KANK3: variants seen among roughly 807,000 people sequenced by gnomAD.
KANK3 encodes KN motif and ankyrin repeat domain-containing protein 3.
In KANK3, 61 loss-of-function variants were observed where a neutral mutation model predicts 65.4. The observed-to-expected ratio is 0.93, with a 90% CI of 0.76 to 1.15. The LOEUF (loss-of-function observed/expected upper bound fraction) is 1.15. Ranked by LOEUF, KANK3 falls within the 50% of genes most tolerant of loss-of-function variation. KANK3 has a pLI of 0.00. For missense variants in KANK3, 1,187 were observed against 1,178.8 expected (o/e 1.01, Z -0.10); for synonymous variants, 586 against 543.3 (o/e 1.08, Z -1.09).
intron 2 of KANK3, among the ~76,000 whole-genome samples, chr19:8,336,464 G>A (rs1485836697): frequency 6.6e-6 from 1 of 151,526 alleles, no homozygotes; most frequent in Admixed American, 6.6e-5. Context: ...CTGGCCGGGC[G>A]CAGTGGCTCA....
At chr19:8,339,245 TGGTTCAAAAAG>T (rs547059079) in intron 1 of KANK3, among the ~76,000 whole-genome samples, 1,609 of 152,220 alleles carry the variant, frequency 0.011, 32 homozygotes, top group African/African-American at 0.038. Flanking sequence ...TCCAGAACTT[TGGTTCAAAAAG>T]CACAGGGTGA....
At position 8,335,040 on chromosome 19, in the gene KANK3, C is replaced by A; in HGVS notation, c.787G>T (p.Ala263Ser). ...RLATSERGGR[A>S]RASPRADSPD... Reference sequence around the variant, plus strand: ...CTGTCAGCCCGGGGGCTGGCCCTGGCACGGCCGCCGCGCTCGGAGGTGGCC... The same window carrying A: ...CTGTCAGCCCGGGGGCTGGCCCTGGAACGGCCGCCGCGCTCGGAGGTGGCC... The change falls in exon 3 of 11, where the codon GCC becomes TCC. Residue 263 changes from alanine to serine, a missense_variant. Coordinates refer to ENST00000330915, the MANE Select transcript of KANK3 (RefSeq NM_198471.3). 7.3e-7 allele frequency: 1 copy of A among 1,378,356 alleles called. No homozygotes were observed. The highest frequency in any genetic ancestry group is 9.3e-7 in the Non-Finnish European group (1 of 1,074,292). The allele number at this position is 1,378,356 out of a possible 1,614,324, so 85.4% of individuals were successfully genotyped here.
Position 8,334,931 on chromosome 19 carries a change from T to C in KANK3, c.896A>G (p.Gln299Arg), listed in dbSNP as rs1312568751. The C allele has an allele frequency of 6.8e-7, 1 of 1,481,230 alleles. No homozygotes were observed. The highest frequency in any genetic ancestry group is 8.9e-7 in the Non-Finnish European group (1 of 1,125,728). 91.8% of individuals were successfully genotyped at this position (1,481,230 alleles called of 1,614,324 possible). ...GEVGSLDGTP[Q>R]TREVAAEAVP... is the part of the protein sequence containing the mutation. ...GGCCTCGGCGGCCACCTCCCGGGTCTGGGGCGTCCCATCGAGACTCCCGAC... is the reference window on the plus strand; with the variant it reads ...GGCCTCGGCGGCCACCTCCCGGGTCCGGGGCGTCCCATCGAGACTCCCGAC... The change falls in exon 3 of 11, where the codon CAG becomes CGG. Residue 299 changes from glutamine to arginine, a missense_variant. Physicochemically the swap from Gln to Arg is conservative, Grantham distance 43 (BLOSUM62 1). Coordinates refer to ENST00000330915, the MANE Select transcript of KANK3 (RefSeq NM_198471.3).
chr19:8,325,294 A>ATTTTTT (rs1970406243), intron 7 of KANK3, among the ~76,000 whole-genome samples, 198 bp from the exon 8 acceptor site: 1 of 66,496 alleles, frequency 1.5e-5, no homozygotes, highest in African/African-American at 6.1e-5. Context: ...TTCCTGTTTC[A>ATTTTTT]TCTTTTTTTT....
chr19:8,329,925 T>C (rs2145421615), intron 7 of KANK3, among the ~76,000 whole-genome samples: 1 of 152,192 alleles, frequency 6.6e-6, no homozygotes, highest in East Asian at 1.9e-4. Flanking sequence ...GCTGAAGGGG[T>C]AACCAGTGCA....
chr19:8,327,353 C>T (rs1047734393), intron 7 of KANK3, among the ~76,000 whole-genome samples: 3 of 151,708 alleles, frequency 2.0e-5, no homozygotes, highest in Non-Finnish European at 2.9e-5. Flanking sequence ...AAAATTTGGC[C>T]GGACACGGTG....
At chr19:8,327,794 G>A (rs564149695) in intron 7 of KANK3, among the ~76,000 whole-genome samples, 36 of 152,162 alleles carry the variant, frequency 2.4e-4, no homozygotes, top group Non-Finnish European at 4.4e-4. Flanking sequence ...TTGGGGGGAC[G>A]TTCCCTGTTT....
chr19:8,328,944 C>T (rs773706642), intron 7 of KANK3, among the ~76,000 whole-genome samples: 11 of 151,574 alleles, frequency 7.3e-5, no homozygotes, highest in African/African-American at 2.2e-4. Context: ...CTGAGGTGGG[C>T]GGATCACGAG....
intron 7 of KANK3, among the ~76,000 whole-genome samples, chr19:8,329,628 C>A (rs904562754): frequency 1.3e-4 from 19 of 151,702 alleles, no homozygotes; most frequent in Non-Finnish European, 2.4e-4. Context: ...TCCTTTAATG[C>A]ATTAGCCCAG....
rs1156886306 is a variant in KANK3 at position 8,333,993 on chromosome 19, G to A, written c.1551C>T (p.Gly517=). Residue 517 remains glycine, a synonymous_variant, in exon 5 of 11, where the codon GGC becomes GGT. Transcript: ENST00000330915. The surrounding 1 kb of genome is among the most constrained non-coding windows in gnomAD (Gnocchi z 5.0). ...GDDSGGGSDS[G]TPGPPSGGDI... ...CCCCGCCGCTGGGAGGGCCAGGGGT[G>A]CCCGAGTCGGATCCCCCGCCGCTGT... 1.3e-6 allele frequency: 2 copies of A among 1,559,722 alleles called. No individual in the cohort carries two copies. Among genetic ancestry groups the A allele is most frequent in the South Asian group, 1.2e-5 (1 of 85,878 alleles).
In KANK3 at chr19:8,322,876, T is replaced by G. The variant is rs1018173865; in HGVS notation, c.2429A>C (p.Glu810Ala). The G allele has an allele frequency of 5.7e-6, 9 of 1,586,638 alleles. No individual in the cohort carries two copies. The highest frequency in any genetic ancestry group is 6.9e-6 in the Non-Finnish European group (8 of 1,166,468). The stretch of plus-strand genomic sequence containing the variant: ...GGGGTTCTCTCCATTGTCACCGCAT[T>G]CTCCTTCACCAGGTGTGGCTGTCTG... ...GSQTATPGEG[E>A]CGDNGENPQV... is the part of the protein sequence containing the mutation. Residue 810 changes from glutamate to alanine, a missense_variant, in exon 11 of 11, where the codon GAA becomes GCA. Physicochemically the swap from Glu to Ala is moderately radical, Grantham distance 107 (BLOSUM62 -1). Transcript: ENST00000330915.
Position 8,334,007 on chromosome 19 carries a change from C to G in KANK3, c.1537G>C (p.Gly513Arg), listed in dbSNP as rs1310235977. The G allele has an allele frequency of 1.3e-6, 2 of 1,560,376 alleles. No individual in the cohort carries two copies. Among genetic ancestry groups the G allele is most frequent in the Non-Finnish European group, 1.7e-6 (2 of 1,159,526 alleles). The change falls in exon 5 of 11, where the codon GGA becomes CGA. Residue 513 changes from glycine to arginine, a missense_variant. Coordinates refer to ENST00000330915, the MANE Select transcript of KANK3 (RefSeq NM_198471.3). ...SSGSGDDSGG[G>R]SDSGTPGPPS... ...GGGCCAGGGGTGCCCGAGTCGGATC[C>G]CCCGCCGCTGTCATCCCCGGAGCCC...
chr19:8,339,778 A>G (rs916457647), intron 1 of KANK3, among the ~76,000 whole-genome samples: 4 of 152,064 alleles, frequency 2.6e-5, no homozygotes, highest in Non-Finnish European at 5.9e-5. Context: ...TAAATAAATA[A>G]AATAGCGAAA....
Position 8,333,666 on chromosome 19 carries a change from C to T in KANK3, c.1719+58G>A. On this transcript the variant is annotated intron_variant, in intron 6 of 10. Coordinates refer to ENST00000330915, the MANE Select transcript of KANK3 (RefSeq NM_198471.3). This position sits in a 1 kb window ranked among gnomAD's most constrained non-coding sequence, Gnocchi z 5.0. ...CCGGTGTGCTCCCCTAAGTGGGCGT[C>T]AGAGGTCCTTGGAGGCTCCCACGCC... 1 of 1,352,344 alleles carries T rather than the reference C, an allele frequency of 7.4e-7. No individual in the cohort carries two copies. The highest frequency in any genetic ancestry group is 1.6e-5 in the South Asian group (1 of 62,690). 83.8% of individuals were successfully genotyped at this position (1,352,344 alleles called of 1,614,324 possible). A position where few individuals can be genotyped will look rare whatever the true frequency, so the allele number is the denominator to read the frequency against.
intron 3 of KANK3, 22 bp downstream of exon 3, chr19:8,334,478 C>G (rs771717450): frequency 5.7e-5 from 91 of 1,608,440 alleles, no homozygotes; most frequent in Non-Finnish European, 7.5e-5. Flanking sequence ...AGCCAGGGCC[C>G]AGCGACGGGG....
intron 1 of KANK3, among the ~76,000 whole-genome samples, chr19:8,342,570 G>A (rs922607257): frequency 1.3e-5 from 2 of 152,152 alleles, no homozygotes; most frequent in African/African-American, 4.8e-5. Context: ...GGAGTGGTGG[G>A]GGCCACGGCA....
intron 10 of KANK3, among the ~76,000 whole-genome samples, chr19:8,324,098 A>G (rs548521673): frequency 5.3e-5 from 8 of 152,238 alleles, no homozygotes; most frequent in Non-Finnish European, 7.4e-5. Flanking sequence ...GGTAGTGTCA[A>G]CCTCACTGGG....
chr19:8,331,227 G>C (rs1970519255), intron 7 of KANK3, among the ~76,000 whole-genome samples: 3 of 151,612 alleles, frequency 2.0e-5, no homozygotes, highest in African/African-American at 7.3e-5. Context: ...GGTGGGGGGG[G>C]GATTCAAATG....
intron 1 of KANK3, among the ~76,000 whole-genome samples, chr19:8,340,291 T>TATATATATATATACACACACACAC (rs1472181365): frequency 1.1e-5 from 1 of 92,868 alleles, no homozygotes; most frequent in African/African-American, 4.4e-5. Flanking sequence ...TATATATATA[T>TATATATATATATACACACACACAC]ACACACACAC....
Sources: allele counts gnomAD v4.1 joint callset (sites outside exome capture counted in the v4.1 genomes callset), GRCh38; gene constraint gnomAD v4.1.1; non-coding constraint Gnocchi (gnomAD v3.1); transcripts MANE v1.5; gene names NCBI Gene and HGNC (gene_info 2026-07-23, HGNC 2026-07-21).